SAMD15: variants seen among roughly 807,000 people sequenced by gnomAD.
SAMD15 encodes sterile alpha motif domain-containing protein 15.
SAMD15 carries 37 observed loss-of-function variants against 50.5 expected under a neutral mutation model. The ratio of observed to expected loss-of-function variants is 0.73; its 90% CI spans 0.56 to 0.96. The LOEUF (loss-of-function observed/expected upper bound fraction) is 0.96, where lower values mean the gene tolerates loss of function less well. Ranked by LOEUF, SAMD15 falls within the 40% of genes least tolerant of loss-of-function variation. The pLI is 0.00. For missense variants in SAMD15, 789 were observed against 783.8 expected (o/e 1.01, Z -0.08); for synonymous variants, 255 against 282.8 (o/e 0.90, Z 0.99).
At chr14:77,379,188 A>C in intron 1 of SAMD15, 81 bp downstream of exon 1, 1 of 1,297,810 alleles carries the variant, frequency 7.7e-7, no homozygotes, top group Non-Finnish European at 1.1e-6. Context: ...CTGAGCTCTT[A>C]CCTCTTTACC....
At chr14:77,382,282 G>A (rs556578096) in intron 2 of SAMD15, among the ~76,000 whole-genome samples, 47 of 152,030 alleles carry the variant, frequency 3.1e-4, no homozygotes, top group South Asian at 1.0e-3. Flanking sequence ...GTGGCACCAC[G>A]CCCAGCTAAT....
chr14:77,379,800 T>G (rs1893920810), intron 1 of SAMD15, among the ~76,000 whole-genome samples: 1 of 152,200 alleles, frequency 6.6e-6, no homozygotes, highest in Admixed American at 6.5e-5. Context: ...TTTGAACTTG[T>G]GCTATTACTT....
At chr14:77,390,890 A>G (rs1265110861) in intron 2 of SAMD15, 118 bp from the exon 3 acceptor site, 14 of 706,712 alleles carry the variant, frequency 2.0e-5, no homozygotes, top group Non-Finnish European at 3.1e-5. Context: ...ACTTCGTCTC[A>G]AAAAAAAGAA....
In SAMD15 at chr14:77,378,352, T is replaced by C; in HGVS notation, c.934T>C (p.Phe312Leu). 8 of 1,612,800 alleles carry C rather than the reference T, an allele frequency of 5.0e-6. No homozygotes were observed. The highest frequency in any genetic ancestry group is 6.8e-6 in the Non-Finnish European group (8 of 1,179,744). ...ACTACCTGAGCGGACTAAACCAGAC[T>C]TTCCAGACCACAAGCCAAGAAAGTC... ...TELPERTKPDFPDHKPRKSTD... is the reference protein window; with the variant it reads ...TELPERTKPDLPDHKPRKSTD... The change falls in exon 1 of 3, where the codon TTT becomes CTT. Residue 312 changes from phenylalanine (F) to leucine (L), a missense_variant. This residue lies in a region of SAMD15 where 770 missense variants were observed against 745.4 expected (regional missense o/e 1.03). Transcript: ENST00000216471.
rs745578896 is a variant in SAMD15 at position 77,377,960 on chromosome 14, T to C, written c.542T>C (p.Leu181Ser). ...VSGATVRERN[L>S]ELLEEETEPG... is the part of the protein sequence containing the mutation. Reference sequence around the variant, plus strand: ...GGGGCCACAGTCAGAGAGAGAAATTTAGAATTACTAGAGGAGGAGACTGAA... The same window carrying C: ...GGGGCCACAGTCAGAGAGAGAAATTCAGAATTACTAGAGGAGGAGACTGAA... Residue 181 changes from leucine (L) to serine (S), a missense_variant, in exon 1 of 3, where the codon TTA (leucine) becomes TCA (serine). By Grantham distance (145) the Leu-to-Ser change is moderately radical. Around this residue, in one of 2 missense-constraint regions of SAMD15, gnomAD observed 770 missense variants for 745.4 expected, o/e 1.03. Transcript: ENST00000216471. 1.9e-6 allele frequency: 3 copies of C among 1,613,990 alleles called. No individual in the cohort carries two copies. Among genetic ancestry groups the C allele is most frequent in the Non-Finnish European group, 2.5e-6 (3 of 1,180,014 alleles).
intron 2 of SAMD15, among the ~76,000 whole-genome samples, chr14:77,389,146 A>C (rs1049215303): frequency 6.6e-6 from 1 of 152,120 alleles, no homozygotes; most frequent in Non-Finnish European, 1.5e-5. Flanking sequence ...CAGAATCCTT[A>C]CTCGGAATGC....
intron 1 of SAMD15, among the ~76,000 whole-genome samples, chr14:77,379,809 T>C: frequency 6.6e-6 from 1 of 152,212 alleles, no homozygotes; most frequent in East Asian, 1.9e-4. Context: ...GTGCTATTAC[T>C]TTTTAAAGTG....
At position 77,377,891 on chromosome 14, in the gene SAMD15, A is replaced by T. The variant is rs762986183; in HGVS notation, c.473A>T (p.Asp158Val). ...DVFLESAMET[D>V]PDPVPPTETM... is the part of the protein sequence containing the mutation. ...TTCCTAGAGTCAGCTATGGAAACAG[A>T]TCCAGATCCAGTGCCACCAACGGAA... The change falls in exon 1 of 3, where the codon GAT becomes GTT. Residue 158 changes from aspartate to valine, a missense_variant. Asp to Val is a radical substitution (Grantham distance 152). Coordinates refer to ENST00000216471, the MANE Select transcript of SAMD15 (RefSeq NM_001010860.4). 4 of 1,614,156 alleles carry T rather than the reference A, an allele frequency of 2.5e-6. No homozygotes were observed. The highest frequency in any genetic ancestry group is 1.7e-5 in the Admixed American group (1 of 60,018).
chr14:77,391,303 T>A lies in SAMD15; in HGVS notation c.*59T>A. 1 of 1,082,392 alleles carries A rather than the reference T, an allele frequency of 9.2e-7. No individual in the cohort carries two copies. Among genetic ancestry groups the A allele is most frequent in the Non-Finnish European group, 1.4e-6 (1 of 732,542 alleles). The allele number at this position is 1,082,392 out of a possible 1,614,324, so 67.0% of individuals were successfully genotyped here. A position where few individuals can be genotyped will look rare whatever the true frequency, so the allele number is the denominator to read the frequency against. ...ACTAAATTACTTGAGGGAAGAGGTA[T>A]GGTCTTTTTTGGTTTTCTTTTTCTC... On this transcript the variant is annotated 3_prime_UTR_variant, in exon 3 of 3. Coordinates refer to ENST00000216471, the MANE Select transcript of SAMD15 (RefSeq NM_001010860.4).
At chr14:77,383,483 C>A (rs1893968981) in intron 2 of SAMD15, among the ~76,000 whole-genome samples, 1 of 152,164 alleles carries the variant, frequency 6.6e-6, no homozygotes, top group African/African-American at 2.4e-5. Context: ...CTTCTGAAAT[C>A]CTCAAGAGTA....
In SAMD15 at chr14:77,391,866, C is replaced by A. The variant is rs1015289862; in HGVS notation, c.*622C>A. On this transcript the variant is annotated 3_prime_UTR_variant, in exon 3 of 3. Transcript: ENST00000216471. Reference sequence around the variant, plus strand: ...GTCAGGATTTCAAGACCAGCCTGGCCAACAAGGTGAAGCCCTGTCTCTACT... The same window carrying A: ...GTCAGGATTTCAAGACCAGCCTGGCAAACAAGGTGAAGCCCTGTCTCTACT... 6.6e-6 allele frequency among the ~76,000 whole-genome samples: 1 copy of A among 152,000 alleles called. No individual in the cohort carries two copies. The highest frequency in any genetic ancestry group is 2.4e-5 in the African/African-American group (1 of 41,388).
intron 2 of SAMD15, among the ~76,000 whole-genome samples, chr14:77,383,992 A>G: frequency 6.6e-6 from 1 of 151,546 alleles, no homozygotes; most frequent in African/African-American, 2.4e-5. Flanking sequence ...AAAAAAAAAA[A>G]AAAAAAAAAA....
chr14:77,391,216 A>G lies in SAMD15; in HGVS notation c.1997A>G (p.Asn666Ser). ...YAPEITAPEENEELPCTEP is the reference protein window; with the variant it reads ...YAPEITAPEESEELPCTEP ...CCAGAAATAACTGCCCCTGAAGAGA[A>G]TGAGGAATTACCTTGCACTGAACCA... The change falls in exon 3 of 3, where the codon AAT (asparagine) becomes AGT (serine). Residue 666 changes from asparagine to serine, a missense_variant. Coordinates refer to ENST00000216471, the MANE Select transcript of SAMD15 (RefSeq NM_001010860.4). 6.2e-7 allele frequency: 1 copy of G among 1,612,938 alleles called. No homozygotes were observed.
chr14:77,380,301 T>C (rs1893929070), intron 1 of SAMD15, 82 bp from the exon 2 acceptor site: 2 of 894,024 alleles, frequency 2.2e-6, no homozygotes, highest in East Asian at 2.4e-5. Flanking sequence ...AAACACGACT[T>C]CTTCCCTTCC....
chr14:77,390,371 A>G (rs76819083), intron 2 of SAMD15, among the ~76,000 whole-genome samples: 2,957 of 152,180 alleles, frequency 0.019, 88 homozygotes, highest in African/African-American at 0.067. Flanking sequence ...ACCTTCCCAG[A>G]GACAGTCATG....
intron 2 of SAMD15, among the ~76,000 whole-genome samples, chr14:77,381,551 T>G (rs755349974): frequency 2.0e-5 from 3 of 152,192 alleles, no homozygotes; most frequent in Non-Finnish European, 4.4e-5. Flanking sequence ...GATACATTCC[T>G]AGGCTTCATC....
intron 2 of SAMD15, among the ~76,000 whole-genome samples, chr14:77,384,697 G>T (rs1893984669): frequency 6.6e-6 from 1 of 152,018 alleles, no homozygotes; most frequent in African/African-American, 2.4e-5. Flanking sequence ...AAGGAGCCCT[G>T]GTTGATTTTA....
At chr14:77,384,921 G>A (rs1222200587) in intron 2 of SAMD15, among the ~76,000 whole-genome samples, 1 of 152,130 alleles carries the variant, frequency 6.6e-6, no homozygotes. Flanking sequence ...GGTGGCTCAT[G>A]CCTGTAATGC....
chr14:77,390,319 G>A (rs1894057714), intron 2 of SAMD15, among the ~76,000 whole-genome samples: 1 of 151,784 alleles, frequency 6.6e-6, no homozygotes, highest in African/African-American at 2.4e-5. Flanking sequence ...TTTTTTCTTA[G>A]TTACACATTA....
Sources: allele counts gnomAD v4.1 joint callset (sites outside exome capture counted in the v4.1 genomes callset), GRCh38; gene constraint gnomAD v4.1.1; regional missense constraint gnomAD v4.1.1; transcripts MANE v1.5; gene names NCBI Gene and HGNC (gene_info 2026-07-23, HGNC 2026-07-21).